Variants in RBM41 observed in about 807,000 individuals in gnomAD.
RBM41 encodes the protein RNA-binding protein 41.
A neutral mutation model predicts 30.8 loss-of-function variants in RBM41; 14 were observed. The ratio of observed to expected loss-of-function variants is 0.45; its 90% CI spans 0.30 to 0.71. The LOEUF (loss-of-function observed/expected upper bound fraction) is 0.71, where lower values mean the gene tolerates loss of function less well. Among genes scored for constraint, RBM41 ranks in the 30% least tolerant of loss-of-function variants. The probability of loss-of-function intolerance (pLI) is 0.08; values close to 1 mark genes in which losing one functional copy is unlikely to be tolerated. For missense variants in RBM41, 276 were observed against 326.3 expected (o/e 0.85, Z 1.19); for synonymous variants, 120 against 110.1 (o/e 1.09, Z -0.56).
In RBM41 at chrX:107,113,382, A is replaced by G; in HGVS notation, c.595+15T>C. 1 of 982,571 alleles carries G rather than the reference A, an allele frequency of 1.0e-6. No homozygotes were observed. The highest frequency in any genetic ancestry group is 1.3e-6 in the Non-Finnish European group (1 of 755,978). 81.0% of individuals were successfully genotyped at this position (982,571 alleles called of 1,213,427 possible). A position where few individuals can be genotyped will look rare whatever the true frequency, so the allele number is the denominator to read the frequency against. On this transcript the variant is annotated intron_variant, in intron 5 of 7. Coordinates refer to ENST00000685964, the MANE Select transcript of RBM41 (RefSeq NM_001324242.2). ...CATTCCTAAGTCTAACACTATAAGA[A>G]AACTCTCGACTTGCCTTTTGTGCCT... is the stretch of plus-strand genomic sequence containing the variant.
chrX:107,063,806 T>A lies in RBM41; in HGVS notation c.*3721A>T, dbSNP rs1484567886. On this transcript the variant is annotated 3_prime_UTR_variant, in exon 8 of 8. Transcript: ENST00000685964. ...AGAATCAACTTTTGGTTGCATTGATTTTTCTCTACTTTTCTTCACTCTATT... is the reference window on the plus strand; with the variant it reads ...AGAATCAACTTTTGGTTGCATTGATATTTCTCTACTTTTCTTCACTCTATT... Among the ~76,000 whole-genome samples the A allele has an allele frequency of 9.0e-6, 1 of 110,881 alleles. No homozygotes were observed.
chrX:107,083,343 C>A (rs1472481966), intron 6 of RBM41, among the ~76,000 whole-genome samples: 2 of 110,708 alleles, frequency 1.8e-5, no homozygotes, highest in Non-Finnish European at 3.8e-5. Flanking sequence ...AAAATCTTTT[C>A]TTTGTCTTTC....
chrX:107,067,430 C>A lies in RBM41; in HGVS notation c.*97G>T. 1 of 1,089,543 alleles carries A rather than the reference C, an allele frequency of 9.2e-7. No homozygotes were observed. 89.8% of individuals were successfully genotyped at this position (1,089,543 alleles called of 1,213,427 possible). A position where few individuals can be genotyped will look rare whatever the true frequency, so the allele number is the denominator to read the frequency against. On this transcript the variant is annotated 3_prime_UTR_variant, in exon 8 of 8. Coordinates refer to ENST00000685964, the MANE Select transcript of RBM41 (RefSeq NM_001324242.2). ...TTTCCCCTCCCTCAGTTAGTTTTTC[C>A]TCTTCAACTCCAAACAAACTGGTGT...
chrX:107,069,755 G>A (rs1431838080), intron 6 of RBM41: 17 of 131,288 alleles, frequency 1.3e-4, no homozygotes, highest in Non-Finnish European at 2.5e-4. Context: ...ATGCTCAGCC[G>A]TAAGAAAACT....
At position 107,066,952 on chromosome X, in the gene RBM41, CT is replaced by C. The variant is rs1935863794; in HGVS notation, c.*574del. The stretch of plus-strand genomic sequence containing the variant: ...AATATTTCACTAGAAAAATATATAG[CT>C]TTTTGAAGACTGATAACTTGTGGAG... On this transcript the variant is annotated 3_prime_UTR_variant, in exon 8 of 8. Coordinates refer to ENST00000685964, the MANE Select transcript of RBM41 (RefSeq NM_001324242.2). 1.3e-6 allele frequency: 1 copy of C among 749,329 alleles called. No homozygotes were observed. The highest frequency in any genetic ancestry group is 8.7e-5 in the Admixed American group (1 of 11,513). 61.8% of individuals were successfully genotyped at this position (749,329 alleles called of 1,213,427 possible). A position where few individuals can be genotyped will look rare whatever the true frequency, so the allele number is the denominator to read the frequency against.
At chrX:107,117,795 G>C (rs145581371) in intron 1 of RBM41, among the ~76,000 whole-genome samples, 1 of 111,786 alleles carries the variant, frequency 8.9e-6, no homozygotes, top group Non-Finnish European at 1.9e-5. Context: ...GTCACCTCAG[G>C]GGGGAACGAA....
chrX:107,118,676 T>C, intron 1 of RBM41, 90 bp downstream of exon 1: 1 of 1,127,559 alleles, frequency 8.9e-7, no homozygotes. Context: ...GAACGTGCAA[T>C]ACCCAAACCA....
intron 5 of RBM41, among the ~76,000 whole-genome samples, chrX:107,096,842 T>C (rs961701079): frequency 9.0e-6 from 1 of 111,709 alleles, no homozygotes; most frequent in Non-Finnish European, 1.9e-5. Context: ...ATATATACCT[T>C]ATAAAGGACT....
At chrX:107,094,145 A>G (rs1342692463) in intron 5 of RBM41, among the ~76,000 whole-genome samples, 1 of 112,131 alleles carries the variant, frequency 8.9e-6, no homozygotes, top group East Asian at 2.8e-4. Flanking sequence ...ACTTAAAGAA[A>G]TAATACTAAT....
intron 6 of RBM41, among the ~76,000 whole-genome samples, chrX:107,079,395 T>G (rs6622145): frequency 0.24 from 26,290 of 110,710 alleles, 2,580 homozygotes; most frequent in East Asian, 0.48. Context: ...TATGCATGTA[T>G]AAGAGTATCA....
chrX:107,096,758 C>T (rs1371894207), intron 5 of RBM41, among the ~76,000 whole-genome samples: 2 of 111,858 alleles, frequency 1.8e-5, no homozygotes, highest in African/African-American at 6.5e-5. Context: ...AAATTAAAAA[C>T]TTCTGTGCTT....
chrX:107,056,879 T>A, the RBM41 span, among the ~76,000 whole-genome samples: 18 of 92,647 alleles, frequency 1.9e-4, 1 homozygote, highest in South Asian at 4.1e-3. Flanking sequence ...TTAACTATTA[T>A]CTTTTTTTTT....
intron 5 of RBM41, among the ~76,000 whole-genome samples, chrX:107,096,558 T>C (rs1335553076): frequency 8.9e-6 from 1 of 111,740 alleles, no homozygotes; most frequent in African/African-American, 3.2e-5. Flanking sequence ...TATACAAAAA[T>C]ATGAACTTGG....
intron 5 of RBM41, among the ~76,000 whole-genome samples, chrX:107,090,908 G>A (rs1922477914): frequency 9.1e-6 from 1 of 109,983 alleles, no homozygotes; most frequent in East Asian, 2.8e-4. Context: ...CATTATCTAA[G>A]TTTTAAGCCC....
chrX:107,068,076 T>C (rs1330624219), intron 7 of RBM41, among the ~76,000 whole-genome samples: 1 of 111,391 alleles, frequency 9.0e-6, no homozygotes, highest in African/African-American at 3.3e-5. Context: ...ACAAAAGAAG[T>C]TATCATGTTA....
At position 107,066,616 on chromosome X, in the gene RBM41, A is replaced by C; in HGVS notation, c.*911T>G. 1.8e-6 allele frequency: 1 copy of C among 562,010 alleles called. No homozygotes were observed. Among genetic ancestry groups the C allele is most frequent in the Non-Finnish European group, 2.2e-6 (1 of 464,693 alleles). The allele number at this position is 562,010 out of a possible 1,213,427, so 46.3% of individuals were successfully genotyped here. A position where few individuals can be genotyped will look rare whatever the true frequency, so the allele number is the denominator to read the frequency against. On this transcript the variant is annotated 3_prime_UTR_variant, in exon 8 of 8. Transcript: ENST00000685964. Reference sequence around the variant, plus strand: ...TCAGATTAAGTGACTTGCCAAGGTCATAGAATGTTAAGTGTGGCTGTACAG... The same window carrying C: ...TCAGATTAAGTGACTTGCCAAGGTCCTAGAATGTTAAGTGTGGCTGTACAG...
At chrX:107,055,150 A>G in the RBM41 span, among the ~76,000 whole-genome samples, 1 of 111,987 alleles carries the variant, frequency 8.9e-6, no homozygotes, top group Non-Finnish European at 1.9e-5. Flanking sequence ...TTGAGGTACA[A>G]ACATTGTAGC....
rs997127240 is a variant in RBM41 at position 107,066,100 on chromosome X, T to C, written c.*1427A>G. 1.8e-5 allele frequency among the ~76,000 whole-genome samples: 2 copies of C among 112,150 alleles called. No homozygotes were observed. The highest frequency in any genetic ancestry group is 3.8e-5 in the Non-Finnish European group (2 of 53,188). Reference sequence around the variant, plus strand: ...AATAGTTTTATTGTATATAGGATTATTGGTTGACAGTTATTTTCTTTGAAC... The same window carrying C: ...AATAGTTTTATTGTATATAGGATTACTGGTTGACAGTTATTTTCTTTGAAC... On this transcript the variant is annotated 3_prime_UTR_variant, in exon 8 of 8. Transcript: ENST00000685964.
rs375658448 is a variant in RBM41 at position 107,118,775 on chromosome X, T to A, written c.-2A>T. On this transcript the variant is annotated 5_prime_UTR_variant, in exon 1 of 8. Transcript: ENST00000685964. ...TCAGACAAGTCCTTACCTCTTCATG[T>A]TTCCACAGGCCCCTACCTCCAACTT... 1 of 1,210,061 alleles carries A rather than the reference T, an allele frequency of 8.3e-7. No individual in the cohort carries two copies. The highest frequency in any genetic ancestry group is 1.7e-5 in the African/African-American group (1 of 57,178).
Sources: gnomAD v4.1 joint callset for allele counts (sites outside exome capture counted in the v4.1 genomes callset) on GRCh38, gnomAD v4.1.1 for gene constraint, MANE v1.5 for transcripts, NCBI Gene and HGNC (gene_info 2026-07-23, HGNC 2026-07-21) for gene names.